The following MYH9 variants were observed in gnomAD, a reference collection of about 807,000 sequenced individuals.
MYH9 encodes myosin heavy chain 9.
MYH9 carries 29 observed loss-of-function variants against 241.9 expected under a neutral mutation model. The ratio of observed to expected loss-of-function variants is 0.12; its 90% CI spans 0.09 to 0.16. The LOEUF (loss-of-function observed/expected upper bound fraction) is 0.16, where lower values mean the gene tolerates loss of function less well. Among genes scored for constraint, MYH9 ranks in the 10% least tolerant of loss-of-function variants. The pLI, the probability that MYH9 is intolerant of heterozygous loss-of-function variation, is 1.00. For missense variants in MYH9, 1,803 were observed against 2,595.5 expected (o/e 0.69, Z 6.63); for synonymous variants, 1,047 against 1,062.6 (o/e 0.99, Z 0.29).
intron 31 of MYH9, 97 bp downstream of exon 31, chr22:36,291,889 C>A (rs2016710198): frequency 6.3e-7 from 1 of 1,591,232 alleles, no homozygotes; most frequent in East Asian, 2.2e-5. Flanking sequence ...CCCGGCGAGA[C>A]CCTGAGGGAG....
chr22:36,348,841 GCCCC>G lies in MYH9; in HGVS notation c.333+59_333+62del, dbSNP rs56147525. 14 of 1,044,672 alleles carry G rather than the reference GCCCC, an allele frequency of 1.3e-5. 1 individual carries two copies. The highest frequency in any genetic ancestry group is 2.1e-5 in the Admixed American group (1 of 47,420). The allele number at this position is 1,044,672 out of a possible 1,614,324, so 64.7% of individuals were successfully genotyped here. A position where few individuals can be genotyped will look rare whatever the true frequency, so the allele number is the denominator to read the frequency against. ...GCACGTGAGGGTGATGGGAAGACCC[GCCCC>G]CCCCCCCCACCTCGGAGCCCTCAGA... On this transcript the variant is annotated intron_variant, in intron 2 of 40. Coordinates refer to ENST00000216181, the MANE Select transcript of MYH9 (RefSeq NM_002473.6).
rs2016958686 is a variant in MYH9, at chr22:36,305,784, G to A, written c.2159+146C>T. On this transcript the variant is annotated intron_variant, in intron 17 of 40. Transcript: ENST00000216181. The surrounding 1 kb of genome is among the most constrained non-coding windows in gnomAD (Gnocchi z 4.7). ...AAGGGTGGAAAAGAGAAGGAGGTGGGGAAGAGCTGGCCAGACTCAGTTCTA... is the reference window on the plus strand; with the variant it reads ...AAGGGTGGAAAAGAGAAGGAGGTGGAGAAGAGCTGGCCAGACTCAGTTCTA... 8.7e-7 allele frequency: 1 copy of A among 1,155,540 alleles called. No individual in the cohort carries two copies. Among genetic ancestry groups the A allele is most frequent in the East Asian group, 2.4e-5 (1 of 41,764 alleles). 71.6% of individuals were successfully genotyped at this position (1,155,540 alleles called of 1,614,324 possible). A position where few individuals can be genotyped will look rare whatever the true frequency, so the allele number is the denominator to read the frequency against.
intron 11 of MYH9, among the ~76,000 whole-genome samples, chr22:36,317,767 A>C (rs2017181666): frequency 6.6e-6 from 1 of 152,270 alleles, no homozygotes; most frequent in South Asian, 2.1e-4. Context: ...CTCGTCTCTC[A>C]GCACACGTGG....
Position 36,285,075 on chromosome 22 carries a change from G to T in MYH9, c.5483+46C>A. On this transcript the variant is annotated intron_variant, in intron 38 of 40. Coordinates refer to ENST00000216181, the MANE Select transcript of MYH9 (RefSeq NM_002473.6). The surrounding 1 kb of genome is among the most constrained non-coding windows in gnomAD (Gnocchi z 7.0). ...TGGGCAGGACTGCAGGGGGGCCAGAGTTTTTTCCAGGACAGCTGGGGTTGG... is the reference window on the plus strand; with the variant it reads ...TGGGCAGGACTGCAGGGGGGCCAGATTTTTTTCCAGGACAGCTGGGGTTGG... 1 of 1,593,164 alleles carries T rather than the reference G, an allele frequency of 6.3e-7. No homozygotes were observed. The highest frequency in any genetic ancestry group is 8.6e-7 in the Non-Finnish European group (1 of 1,165,144).
Position 36,377,281 on chromosome 22 carries a change from C to T in MYH9, c.-20+10526G>A, listed in dbSNP as rs545411036. ...AAGTCACCCAGACTGTCCCAAATGCCTCGTTCTTATGTTTATCTGACAGGA... is the reference window on the plus strand; with the variant it reads ...AAGTCACCCAGACTGTCCCAAATGCTTCGTTCTTATGTTTATCTGACAGGA... On this transcript the variant is annotated intron_variant, in intron 1 of 40. Coordinates refer to ENST00000216181, the MANE Select transcript of MYH9 (RefSeq NM_002473.6). Among the ~76,000 whole-genome samples, 18 of 152,270 alleles carry T rather than the reference C, an allele frequency of 1.2e-4. No homozygotes were observed. The South Asian group carries it at 3.7e-3, about 32-fold the overall frequency.
chr22:36,329,631 C>G lies in MYH9; in HGVS notation c.491-2143G>C, dbSNP rs577766549. 5.7e-4 allele frequency among the ~76,000 whole-genome samples: 87 copies of G among 152,326 alleles called. No individual in the cohort carries two copies. Among genetic ancestry groups the G allele is most frequent in the Non-Finnish European group, 1.2e-3 (81 of 68,028 alleles). On this transcript the variant is annotated intron_variant, in intron 3 of 40. Transcript: ENST00000216181. The surrounding 1 kb of genome is among the most constrained non-coding windows in gnomAD (Gnocchi z 4.1). ...ACCATAAAAGGAAACATTCCCCAAC[C>G]CTTCCAGAGGAACCGTTTTCCCAGG...
intron 5 of MYH9, among the ~76,000 whole-genome samples, chr22:36,324,523 G>A (rs1027648414): frequency 2.0e-5 from 3 of 152,246 alleles, no homozygotes; most frequent in Non-Finnish European, 4.4e-5. Flanking sequence ...TTGCCAACCT[G>A]CGGCCCAGGC....
intron 1 of MYH9, among the ~76,000 whole-genome samples, chr22:36,352,362 C>T (rs75308339): frequency 0.011 from 1,613 of 152,328 alleles, 15 homozygotes; most frequent in African/African-American, 0.02. Flanking sequence ...CCGCTACTGT[C>T]GGCGCAAGCT....
rs767969389 is a variant in MYH9, at chr22:36,289,309, G to A, written c.4345-12C>T. 4 of 1,602,292 alleles carry A rather than the reference G, an allele frequency of 2.5e-6. No homozygotes were observed. In the African/African-American group the frequency reaches 5.4e-5, roughly 21 times the overall value. ...TCCTCCGCCAGGAGCTGGGAAAGAG[G>A]TGGGCACCATGAGGCTCAGAGCTAC... On this transcript the variant is annotated splice_polypyrimidine_tract_variant and intron_variant, in intron 31 of 40. Transcript: ENST00000216181.
intron 2 of MYH9, among the ~76,000 whole-genome samples, chr22:36,346,460 C>T (rs940156982): frequency 3.3e-5 from 5 of 152,196 alleles, no homozygotes; most frequent in South Asian, 2.1e-4. Context: ...GAAAATTAAA[C>T]GGCTGACCCT....
rs185126133 is a variant in MYH9, at chr22:36,339,218, T to C, written c.490+2152A>G. ...CATTACTCAGTCTTAATGTCTTGCC[T>C]AAAAGCAAAAATGCCCAGTTGCTAG... On this transcript the variant is annotated intron_variant, in intron 3 of 40. Coordinates refer to ENST00000216181, the MANE Select transcript of MYH9 (RefSeq NM_002473.6). 4.0e-3 allele frequency among the ~76,000 whole-genome samples: 609 copies of C among 152,288 alleles called. 1 individual carries two copies. Among genetic ancestry groups the C allele is most frequent in the Non-Finnish European group, 6.2e-3 (422 of 68,014 alleles).
intron 1 of MYH9, among the ~76,000 whole-genome samples, chr22:36,382,218 T>A (rs1218361791): frequency 6.6e-6 from 1 of 151,974 alleles, no homozygotes; most frequent in East Asian, 1.9e-4. Context: ...CTCACGCCTG[T>A]AATCCCAGCA....
intron 1 of MYH9, among the ~76,000 whole-genome samples, chr22:36,375,994 TC>T (rs1282546559): frequency 7.6e-6 from 1 of 131,570 alleles, no homozygotes; most frequent in Non-Finnish European, 1.6e-5. Context: ...GGAGTTTTGC[TC>T]CTATTGACCA....
At chr22:36,309,420 G>T in intron 14 of MYH9, 24 bp from the exon 15 acceptor site, 1 of 1,567,124 alleles carries the variant, frequency 6.4e-7, no homozygotes, top group East Asian at 2.2e-5. Context: ...AGAGGCAGGA[G>T]TCACAAGCTG....
intron 1 of MYH9, among the ~76,000 whole-genome samples, chr22:36,382,814 T>G (rs965369336): frequency 6.6e-6 from 1 of 151,288 alleles, no homozygotes; most frequent in Non-Finnish European, 1.5e-5. Flanking sequence ...AATAAAGAAA[T>G]AAATAAATAA....
intron 13 of MYH9, among the ~76,000 whole-genome samples, chr22:36,313,912 C>G (rs1227138977): frequency 6.6e-6 from 1 of 152,222 alleles, no homozygotes; most frequent in Non-Finnish European, 1.5e-5. Flanking sequence ...GGTCCGGCAG[C>G]TGGGAAAAGC....
At chr22:36,341,624 T>C (rs1024668504) in intron 2 of MYH9, 98 bp from the exon 3 acceptor site, 8 of 1,383,498 alleles carry the variant, frequency 5.8e-6, no homozygotes, top group Non-Finnish European at 8.0e-6. Flanking sequence ...AAAGGACCCC[T>C]GAGTCAGCCT....
At chr22:36,379,273 C>A (rs544096918) in intron 1 of MYH9, among the ~76,000 whole-genome samples, 4 of 152,178 alleles carry the variant, frequency 2.6e-5, no homozygotes, top group Admixed American at 6.5e-5. Context: ...TTCGGGAGGC[C>A]GAGGCGGGTG....
intron 1 of MYH9, among the ~76,000 whole-genome samples, chr22:36,355,986 G>A (rs531291718): frequency 1.3e-5 from 2 of 152,318 alleles, no homozygotes; most frequent in Non-Finnish European, 2.9e-5. Flanking sequence ...GTGGGAGTGT[G>A]ACCTTGGGTG....
Sources: allele counts gnomAD v4.1 joint callset (sites outside exome capture counted in the v4.1 genomes callset), GRCh38; gene constraint gnomAD v4.1.1; non-coding constraint Gnocchi (gnomAD v3.1); transcripts MANE v1.5; gene names NCBI Gene and HGNC (gene_info 2026-07-23, HGNC 2026-07-21).